GSN: variants seen among roughly 807,000 people sequenced by gnomAD.
The protein encoded by GSN is actin-depolymerizing factor.
A neutral mutation model predicts 85.7 loss-of-function variants in GSN; 56 were observed. The observed-to-expected ratio is 0.65, with a 90% CI of 0.53 to 0.82. The LOEUF (loss-of-function observed/expected upper bound fraction) is 0.82. Ranked by LOEUF, GSN falls within the 40% of genes least tolerant of loss-of-function variation. GSN has a pLI of 0.00. For synonymous variants in GSN, 373 were observed against 399.1 expected (o/e 0.93, Z 0.78); for missense variants, 857 against 979.8 (o/e 0.87, Z 1.67).
intron 17 of GSN, chr9:121,331,677 C>G: frequency 2.0e-6 from 1 of 502,140 alleles, no homozygotes; most frequent in Non-Finnish European, 3.6e-6. Context: ...AGGCTCTCCT[C>G]TGTTCCAGGA....
At chr9:121,230,563 C>T (rs2054367882) in intron 4 of GSN, among the ~76,000 whole-genome samples, 1 of 152,094 alleles carries the variant, frequency 6.6e-6, no homozygotes, top group Admixed American at 6.5e-5. Context: ...AAGGAAGAAC[C>T]AAGGTCTCCT....
rs375227932 is a variant in GSN, at chr9:121,321,329, A to G, written c.1253A>G (p.Tyr418Cys). Residue 418 changes from tyrosine (Y) to cysteine (C), a missense_variant, in exon 11 of 18, where the codon TAT becomes TGT. Transcript: ENST00000432226. ...PVDPATYGQF[Y>C]GGDSYIILYN... ...GACCCTGCCACATATGGACAGTTCT[A>G]TGGAGGCGACAGCTACATCATTCTG... is the stretch of plus-strand genomic sequence containing the variant. 3.6e-5 allele frequency: 58 copies of G among 1,613,716 alleles called. No individual in the cohort carries two copies. Among genetic ancestry groups the G allele is most frequent in the East Asian group, 2.9e-4 (13 of 44,892 alleles).
intron 6 of GSN, among the ~76,000 whole-genome samples, chr9:121,251,200 T>TTTTTTTTTTTTTTTA (rs2054827074): frequency 1.4e-5 from 2 of 141,610 alleles, no homozygotes; most frequent in Non-Finnish European, 3.0e-5. Flanking sequence ...TTTTTTTTTT[T>TTTTTTTTTTTTTTTA]GAGATGGATT....
intron 11 of GSN, among the ~76,000 whole-genome samples, chr9:121,322,520 C>G (rs991806926): frequency 6.6e-6 from 1 of 152,224 alleles, no homozygotes; most frequent in African/African-American, 2.4e-5. Context: ...AAACAAACAT[C>G]ACTTTGAACA....
intron 6 of GSN, among the ~76,000 whole-genome samples, chr9:121,262,857 C>T (rs552151875): frequency 2.2e-4 from 34 of 152,316 alleles, no homozygotes; most frequent in African/African-American, 1.4e-4. Flanking sequence ...TGAGTCCTCC[C>T]GTAGTGTCCC....
rs943464811 is a variant in GSN at position 121,286,222 on chromosome 9, A to C, written c.-10+4660A>C. On this transcript the variant is annotated intron_variant, in intron 2 of 17. Coordinates refer to ENST00000432226, the MANE Select transcript of GSN (RefSeq NM_198252.3). ...GGGATCTGGGGTGGTCCCCGAAGCC[A>C]GCTCAGAGGAGGGACGCCAGGGAGA... 2.6e-5 allele frequency: 35 copies of C among 1,361,610 alleles called. No individual in the cohort carries two copies. The African/African-American group carries it at 3.5e-4, about 13-fold the overall frequency. The allele number at this position is 1,361,610 out of a possible 1,614,324, so 84.3% of individuals were successfully genotyped here.
intron 6 of GSN, among the ~76,000 whole-genome samples, chr9:121,253,087 C>T (rs1274139679): frequency 6.6e-6 from 1 of 152,144 alleles, no homozygotes; most frequent in Non-Finnish European, 1.5e-5. Context: ...GGGAAGAGAG[C>T]TAGCTGGGTC....
At chr9:121,229,352 C>G (rs1009169743) in intron 4 of GSN, among the ~76,000 whole-genome samples, 2 of 152,190 alleles carry the variant, frequency 1.3e-5, no homozygotes, top group African/African-American at 4.8e-5. Context: ...TCCTGAGCAG[C>G]TGGGACTGCA....
intron 2 of GSN, among the ~76,000 whole-genome samples, chr9:121,289,756 T>G (rs1029689173): frequency 1.3e-5 from 2 of 151,594 alleles, no homozygotes; most frequent in Non-Finnish European, 2.9e-5. Context: ...GGCAGGCAGG[T>G]GAGGTTGTAT....
chr9:121,299,849 C>G lies in GSN; in HGVS notation c.-9-2114C>G, dbSNP rs575773441. On this transcript the variant is annotated intron_variant, in intron 2 of 17. Transcript: ENST00000432226. The surrounding 1 kb of genome is among the most constrained non-coding windows in gnomAD (Gnocchi z 4.2). ...CGCGGCTGCCGACTGGGTCCCCTGC[C>G]GCTGTCGCCACCATGGCTCCGCACC... 4.1e-5 allele frequency: 55 copies of G among 1,353,306 alleles called. No homozygotes were observed. The highest frequency in any genetic ancestry group is 3.0e-4 in the South Asian group (18 of 60,960). The allele number at this position is 1,353,306 out of a possible 1,614,324, so 83.8% of individuals were successfully genotyped here.
the GSN span, among the ~76,000 whole-genome samples, chr9:121,202,278 G>A: frequency 1.3e-5 from 2 of 152,232 alleles, no homozygotes; most frequent in East Asian, 3.8e-4. Context: ...ACCATGCTAA[G>A]CATGCATTTA....
At position 121,324,720 on chromosome 9, in the gene GSN, T is replaced by A. The variant is rs191325600; in HGVS notation, c.1416+76T>A. The stretch of plus-strand genomic sequence containing the variant: ...TCTTCACTCATCTGTCTGACTCTCA[T>A]CCATCCATTCGTTTGTCCATCTGTC... On this transcript the variant is annotated intron_variant, in intron 12 of 17. Coordinates refer to ENST00000432226, the MANE Select transcript of GSN (RefSeq NM_198252.3). 429 of 746,774 alleles carry A rather than the reference T, an allele frequency of 5.7e-4. No individual in the cohort carries two copies. The African/African-American group carries it at 6.7e-3, about 12-fold the overall frequency. 46.3% of individuals were successfully genotyped at this position (746,774 alleles called of 1,614,324 possible).
chr9:121,269,824 A>T (rs114578693), intron 1 of GSN, among the ~76,000 whole-genome samples: 2,564 of 152,292 alleles, frequency 0.017, 67 homozygotes, highest in African/African-American at 0.059. Context: ...GGCTGCTCCC[A>T]GGAGGGGTGG....
intron 1 of GSN, chr9:121,280,448 G>C (rs766182076): frequency 6.6e-6 from 1 of 152,208 alleles, no homozygotes; most frequent in Admixed American, 6.5e-5. Context: ...CCTAGAGGGA[G>C]AGAAAGTCCT....
chr9:121,324,033 G>A (rs1242908887), intron 11 of GSN, among the ~76,000 whole-genome samples: 1 of 152,162 alleles, frequency 6.6e-6, no homozygotes, highest in African/African-American at 2.4e-5. Flanking sequence ...CAAAGAGGTG[G>A]GATAGAAAGG....
intron 4 of GSN, among the ~76,000 whole-genome samples, chr9:121,229,137 C>T (rs146805039): frequency 1.3e-5 from 2 of 152,292 alleles, no homozygotes; most frequent in Admixed American, 6.5e-5. Flanking sequence ...GCACATAATT[C>T]TCATAACTCT....
intron 4 of GSN, among the ~76,000 whole-genome samples, chr9:121,229,775 T>C (rs1444942549): frequency 2.6e-5 from 4 of 152,190 alleles, no homozygotes; most frequent in Non-Finnish European, 5.9e-5. Flanking sequence ...TAATAAGTAA[T>C]TTCTGGGGAG....
At chr9:121,208,158 C>T (rs180895179) in intron 1 of GSN, among the ~76,000 whole-genome samples, 5 of 152,254 alleles carry the variant, frequency 3.3e-5, no homozygotes, top group South Asian at 2.1e-4. Flanking sequence ...CATACACACA[C>T]GGAATTGTTG....
Position 121,209,365 on chromosome 9 carries a change from C to T in GSN, c.-738C>T, listed in dbSNP as rs1309207859. The T allele has an allele frequency of 2.1e-5, 3 of 144,254 alleles. No homozygotes were observed. In the East Asian group the frequency reaches 6.1e-4, roughly 29 times the overall value. The allele number at this position is 144,254 out of a possible 1,614,324, so 8.9% of individuals were successfully genotyped here. A position where few individuals can be genotyped will look rare whatever the true frequency, so the allele number is the denominator to read the frequency against. On this transcript the variant is annotated 5_prime_UTR_variant, in exon 2 of 25. Coordinates refer to the GSN transcript ENST00000373823. ...AAATCCTTCCTCACTGAAACCAGGA[C>T]TAAGGAAAGGAGATTCCCTTCTACC...
Sources: gnomAD v4.1 joint callset for allele counts (sites outside exome capture counted in the v4.1 genomes callset) on GRCh38, gnomAD v4.1.1 for gene constraint, Gnocchi (gnomAD v3.1) non-coding constraint, MANE v1.5 for transcripts, NCBI Gene and HGNC (gene_info 2026-07-23, HGNC 2026-07-21) for gene names.